ROBO1: variants seen among roughly 807,000 people sequenced by gnomAD.
ROBO1 encodes the protein roundabout homolog 1.
A neutral mutation model predicts 195.9 loss-of-function variants in ROBO1; 149 were observed. The ratio of observed to expected loss-of-function variants is 0.76; its 90% CI spans 0.67 to 0.87. The LOEUF is 0.87. Among genes scored for constraint, ROBO1 ranks in the 40% least tolerant of loss-of-function variants. The pLI is 0.00. For synonymous variants in ROBO1, 816 were observed against 733.2 expected (o/e 1.11, Z -1.82); for missense variants, 1,933 against 2,068.3 (o/e 0.93, Z 1.27).
intron 2 of ROBO1, among the ~76,000 whole-genome samples, chr3:79,229,622 T>C (rs889289348): frequency 6.6e-6 from 1 of 152,050 alleles, no homozygotes; most frequent in Non-Finnish European, 1.5e-5. Context: ...TTTATTTCTT[T>C]CTTTTTGTAG....
intron 4 of ROBO1, among the ~76,000 whole-genome samples, chr3:78,774,648 T>A (rs2083461613): frequency 6.6e-6 from 1 of 152,000 alleles, no homozygotes; most frequent in African/African-American, 2.4e-5. Flanking sequence ...CAGAGGAAAC[T>A]CACTTTAACT....
chr3:79,655,494 T>C (rs1020480861), intron 1 of ROBO1, among the ~76,000 whole-genome samples: 6 of 152,072 alleles, frequency 3.9e-5, no homozygotes, highest in Non-Finnish European at 8.8e-5. Context: ...TATGTTGGAG[T>C]ATAGTTATCA....
chr3:78,857,358 A>T (rs2034516299), intron 4 of ROBO1, among the ~76,000 whole-genome samples: 1 of 152,206 alleles, frequency 6.6e-6, no homozygotes. Context: ...AACATTTTAA[A>T]ATTTTAAATG....
intron 2 of ROBO1, among the ~76,000 whole-genome samples, chr3:79,451,429 G>C (rs1431356252): frequency 2.0e-5 from 3 of 152,124 alleles, no homozygotes; most frequent in Non-Finnish European, 4.4e-5. Context: ...CTTACCCCCT[G>C]TAGGTGAAGT....
intron 4 of ROBO1, among the ~76,000 whole-genome samples, chr3:78,876,211 T>C (rs996120805): frequency 6.6e-6 from 1 of 152,132 alleles, no homozygotes. Context: ...TAGTAACATA[T>C]GCAAAATTTT....
Position 79,307,174 on chromosome 3 carries a change from A to C in ROBO1, c.89-181635T>G, listed in dbSNP as rs528871430. Among the ~76,000 whole-genome samples, 15 of 152,262 alleles carry C rather than the reference A, an allele frequency of 9.9e-5. No homozygotes were observed. In the East Asian group the frequency reaches 2.9e-3, roughly 29 times the overall value. Reference sequence around the variant, plus strand: ...GCTGGAGAGATGGGGAGCATTGATCAGCCAGTGTTATCTGAGCCAATCTGT... The same window carrying C: ...GCTGGAGAGATGGGGAGCATTGATCCGCCAGTGTTATCTGAGCCAATCTGT... On this transcript the variant is annotated intron_variant, in intron 2 of 30. Coordinates refer to ENST00000464233, the MANE Select transcript of ROBO1 (RefSeq NM_002941.4).
At chr3:78,815,041 G>A (rs1176704952) in intron 4 of ROBO1, among the ~76,000 whole-genome samples, 2 of 152,026 alleles carry the variant, frequency 1.3e-5, no homozygotes, top group African/African-American at 2.4e-5. Flanking sequence ...ATGTAAGATG[G>A]CAAACTTAAT....
At chr3:78,893,691 T>C (rs551534005) in intron 4 of ROBO1, among the ~76,000 whole-genome samples, 1 of 152,318 alleles carries the variant, frequency 6.6e-6, no homozygotes, top group East Asian at 1.9e-4. Context: ...TGTATTACAC[T>C]TTGTGAATAA....
chr3:79,251,654 G>A (rs140407215), intron 2 of ROBO1, among the ~76,000 whole-genome samples: 1,574 of 152,252 alleles, frequency 0.01, 8 homozygotes, highest in Non-Finnish European at 0.017. Context: ...GGGAGGCTGA[G>A]GCAGGAGAAT....
intron 2 of ROBO1, among the ~76,000 whole-genome samples, chr3:79,404,673 C>A (rs1021047645): frequency 3.9e-5 from 6 of 151,994 alleles, no homozygotes; most frequent in Admixed American, 1.3e-4. Flanking sequence ...AAGCATTAAC[C>A]AAATGGAAAG....
chr3:79,187,516 T>C (rs1328857090), intron 2 of ROBO1, among the ~76,000 whole-genome samples: 1 of 152,042 alleles, frequency 6.6e-6, no homozygotes, highest in Non-Finnish European at 1.5e-5. Context: ...AATGTGGAAC[T>C]GTGAATAAAT....
intron 3 of ROBO1, among the ~76,000 whole-genome samples, chr3:79,002,935 T>G (rs1444213697): frequency 2.0e-5 from 3 of 152,124 alleles, no homozygotes; most frequent in Non-Finnish European, 4.4e-5. Context: ...TCTCAGTCCC[T>G]GTGCCCATCC....
chr3:79,289,230 C>A (rs77234982), intron 2 of ROBO1, among the ~76,000 whole-genome samples: 1 of 151,858 alleles, frequency 6.6e-6, no homozygotes, highest in Non-Finnish European at 1.5e-5. Flanking sequence ...GGTGACAGTA[C>A]CATTTGTCTC....
At position 78,667,988 on chromosome 3, in the gene ROBO1, T is replaced by C. The variant is rs369247777; in HGVS notation, c.1861A>G (p.Ile621Val). The change falls in exon 14 of 31, where the codon ATT becomes GTT. Residue 621 changes from isoleucine (I) to valine (V), a missense_variant. By Grantham distance (29) the Ile-to-Val change is conservative. Transcript: ENST00000464233. ...AENVKTETSAIKGLKPNAIYL... is the reference protein window; with the variant it reads ...AENVKTETSAVKGLKPNAIYL... ...ATTGCATTAGGTTTGAGTCCTTTAA[T>C]GGCAGATGTTTCTGTTTTCACATTC... 23 of 1,613,680 alleles carry C rather than the reference T, an allele frequency of 1.4e-5. No homozygotes were observed. The African/African-American group carries it at 2.1e-4, about 15-fold the overall frequency.
intron 2 of ROBO1, among the ~76,000 whole-genome samples, chr3:79,407,473 A>C (rs1293143356): frequency 2.0e-5 from 3 of 152,210 alleles, no homozygotes. Flanking sequence ...TTCCACTTTT[A>C]TAAACCTGAA....
chr3:78,799,196 T>A (rs557040427), intron 4 of ROBO1, among the ~76,000 whole-genome samples: 5 of 152,180 alleles, frequency 3.3e-5, no homozygotes, highest in Admixed American at 6.5e-5. Flanking sequence ...CTTTGGTGGA[T>A]AAAACCAATC....
intron 27 of ROBO1, among the ~76,000 whole-genome samples, chr3:78,616,305 G>A (rs1353818540): frequency 1.3e-5 from 2 of 152,048 alleles, no homozygotes; most frequent in African/African-American, 4.8e-5. Flanking sequence ...AAAGTTAGAT[G>A]TTATTTATTT....
intron 1 of ROBO1, among the ~76,000 whole-genome samples, chr3:79,748,493 T>G (rs1703971426): frequency 6.6e-6 from 1 of 152,190 alleles, no homozygotes; most frequent in South Asian, 2.1e-4. Flanking sequence ...ACCTAATTAG[T>G]TTTATTTCAA....
intron 1 of ROBO1, among the ~76,000 whole-genome samples, chr3:79,625,804 T>A (rs1230919978): frequency 1.3e-5 from 2 of 152,094 alleles, no homozygotes; most frequent in Non-Finnish European, 2.9e-5. Flanking sequence ...TACGATTCCT[T>A]CTGAAATTAT....
Sources: allele counts gnomAD v4.1 joint callset (sites outside exome capture counted in the v4.1 genomes callset), GRCh38; gene constraint gnomAD v4.1.1; transcripts MANE v1.5; gene names NCBI Gene and HGNC (gene_info 2026-07-23, HGNC 2026-07-21).